The following DNA2 variants were observed in gnomAD, a reference collection of about 807,000 sequenced individuals.
The protein encoded by DNA2 is DNA replication ATP-dependent helicase/nuclease DNA2.
In DNA2, 101 loss-of-function variants were observed where a neutral mutation model predicts 119.1. That is an observed-to-expected ratio of 0.85 (90% confidence interval 0.72 to 1.00). The LOEUF (loss-of-function observed/expected upper bound fraction) is 1.00, where lower values mean the gene tolerates loss of function less well. Among genes scored for constraint, DNA2 ranks in the 50% least tolerant of loss-of-function variants. The probability of loss-of-function intolerance (pLI) is 0.00; values close to 1 mark genes in which losing one functional copy is unlikely to be tolerated. For missense variants in DNA2, 1,121 were observed against 1,255.5 expected, an observed-to-expected ratio of 0.89 and a Z score of 1.62; for synonymous variants, 366 against 424.4, an observed-to-expected ratio of 0.86 and a Z score of 1.69.
At position 68,419,138 on chromosome 10, in the gene DNA2, C is replaced by G; in HGVS notation, c.2863G>C (p.Ala955Pro). 6.2e-7 allele frequency: 1 copy of G among 1,613,150 alleles called. No individual in the cohort carries two copies. Among genetic ancestry groups the G allele is most frequent in the Non-Finnish European group, 8.5e-7 (1 of 1,179,586 alleles). The change falls in exon 19 of 21, where the codon GCA becomes CCA. Residue 955 changes from alanine to proline, a missense_variant. Ala to Pro is a conservative substitution (Grantham distance 27, BLOSUM62 -1). Coordinates refer to ENST00000358410, the MANE Select transcript of DNA2 (RefSeq NM_001080449.3). ...QQLKIINDLLARSIGMVEVNT... is the reference protein window; with the variant it reads ...QQLKIINDLLPRSIGMVEVNT... ...ACTTCGACCATCCCAATAGAACGTG[C>G]CAATAAATCATTGATGATCTTTAAT...
intron 5 of DNA2, among the ~76,000 whole-genome samples, chr10:68,457,649 C>CA (rs1413091563): frequency 6.7e-6 from 1 of 148,332 alleles, no homozygotes; most frequent in Non-Finnish European, 1.5e-5. Flanking sequence ...CATTACTTGG[C>CA]ATATATTAGA....
chr10:68,421,348 T>C (rs1008254701), intron 17 of DNA2, among the ~76,000 whole-genome samples: 1 of 152,142 alleles, frequency 6.6e-6, no homozygotes, highest in Non-Finnish European at 1.5e-5. Flanking sequence ...TTCTAGGAAA[T>C]AGAATTATAC....
intron 19 of DNA2, among the ~76,000 whole-genome samples, chr10:68,417,391 C>CAAAAAAAAAAAAAAAAAAAAAAAAAAAA (rs35777569): frequency 2.6e-5 from 2 of 77,500 alleles, no homozygotes; most frequent in Admixed American, 1.7e-4. Flanking sequence ...ATAAGAAAAC[C>CAAAAAAAAAAAAAAAAAAAAAAAAAAAA]AAAAAAAAAA....
intron 1 of DNA2, chr10:68,470,392 T>C (rs1232748406): frequency 1.3e-5 from 6 of 467,784 alleles, no homozygotes; most frequent in Admixed American, 3.9e-5. Context: ...GCTCATGATA[T>C]GAGATTTTCC....
intron 10 of DNA2, 183 bp downstream of exon 10, chr10:68,436,828 G>T: frequency 1.8e-6 from 1 of 554,638 alleles, no homozygotes. Context: ...AAGGGTATAG[G>T]GCTTCTTCCT....
chr10:68,419,962 A>G, intron 17 of DNA2, 70 bp from the exon 18 acceptor site: 1 of 1,237,904 alleles, frequency 8.1e-7, no homozygotes, highest in Non-Finnish European at 1.2e-6. Flanking sequence ...GCAACTGGCC[A>G]TAAAGACTAT....
At chr10:68,458,797 G>C (rs2052219074) in intron 5 of DNA2, among the ~76,000 whole-genome samples, 1 of 152,050 alleles carries the variant, frequency 6.6e-6, no homozygotes, top group Admixed American at 6.6e-5. Flanking sequence ...GCCGGGAGCA[G>C]AGATCAGTGC....
intron 13 of DNA2, 106 bp from the exon 14 acceptor site, chr10:68,430,766 A>G: frequency 4.5e-6 from 4 of 896,474 alleles, no homozygotes; most frequent in Non-Finnish European, 6.6e-6. Flanking sequence ...GAGCTGAGCC[A>G]AGTAAAAATT....
At chr10:68,447,480 G>A (rs2052055717) in intron 6 of DNA2, among the ~76,000 whole-genome samples, 1 of 145,808 alleles carries the variant, frequency 6.9e-6, no homozygotes, top group African/African-American at 2.6e-5. Context: ...TCGTGCCACT[G>A]GACTCCAGCC....
At chr10:68,419,486 C>T (rs2051637858) in intron 18 of DNA2, 3 of 511,928 alleles carry the variant, frequency 5.9e-6, no homozygotes, top group East Asian at 6.5e-5. Flanking sequence ...CACACACACA[C>T]AGTACAAAGA....
intron 6 of DNA2, among the ~76,000 whole-genome samples, chr10:68,448,950 T>C (rs1045470919): frequency 1.5e-5 from 2 of 133,220 alleles, no homozygotes; most frequent in South Asian, 3.1e-4. Flanking sequence ...TGTGTGTGTG[T>C]GTGTGTGTGT....
chr10:68,424,880 C>G (rs1173594254), intron 14 of DNA2: 9 of 744,278 alleles, frequency 1.2e-5, no homozygotes, highest in Non-Finnish European at 2.2e-5. Flanking sequence ...TGGTTATCAC[C>G]AGGCTAAATC....
At position 68,436,925 on chromosome 10, in the gene DNA2, G is replaced by A. The variant is rs760390349; in HGVS notation, c.1646+86C>T. 659 of 1,090,264 alleles carry A rather than the reference G, an allele frequency of 6.0e-4. 2 individuals are homozygous for A. The highest frequency in any genetic ancestry group is 7.9e-4 in the Non-Finnish European group (589 of 749,408). The allele number at this position is 1,090,264 out of a possible 1,614,324, so 67.5% of individuals were successfully genotyped here. ...CGCTGTGAATATACTAAAAACCAGC[G>A]AATTGTACATTTTAAATGGATGAAC... On this transcript the variant is annotated intron_variant, in intron 10 of 20. Transcript: ENST00000358410.
At chr10:68,467,338 T>C (rs1039404613) in intron 3 of DNA2, among the ~76,000 whole-genome samples, 1 of 152,114 alleles carries the variant, frequency 6.6e-6, no homozygotes, top group South Asian at 2.1e-4. Flanking sequence ...CTTGAACTCC[T>C]GACTTCATGA....
chr10:68,416,358 G>A (rs1165299099), intron 20 of DNA2, among the ~76,000 whole-genome samples: 1 of 152,106 alleles, frequency 6.6e-6, no homozygotes, highest in Non-Finnish European at 1.5e-5. Flanking sequence ...CCCAGCTACT[G>A]GGGAGGCTGA....
intron 8 of DNA2, among the ~76,000 whole-genome samples, chr10:68,444,576 T>C (rs1053775909): frequency 6.6e-6 from 1 of 151,316 alleles, no homozygotes; most frequent in African/African-American, 2.4e-5. Context: ...AATACAAAAT[T>C]AGCCGGGAAT....
intron 20 of DNA2, 115 bp from the exon 21 acceptor site, chr10:68,415,222 T>A (rs2051572789): frequency 3.2e-6 from 2 of 615,390 alleles, no homozygotes; most frequent in East Asian, 2.9e-5. Flanking sequence ...AAAATAAGGA[T>A]CTTTATGGCA....
intron 4 of DNA2, among the ~76,000 whole-genome samples, chr10:68,464,432 T>G: frequency 6.6e-6 from 1 of 151,630 alleles, no homozygotes. Flanking sequence ...GGAAAATTGC[T>G]TGAACCCGGG....
intron 10 of DNA2, among the ~76,000 whole-genome samples, chr10:68,434,237 T>C (rs2051858292): frequency 6.6e-6 from 1 of 151,658 alleles, no homozygotes; most frequent in African/African-American, 2.4e-5. Context: ...ATCGTGCTAC[T>C]GCACTCCAGC....
Sources: gnomAD v4.1 joint callset for allele counts (sites outside exome capture counted in the v4.1 genomes callset) on GRCh38, gnomAD v4.1.1 for gene constraint, MANE v1.5 for transcripts, NCBI Gene and HGNC (gene_info 2026-07-23, HGNC 2026-07-21) for gene names.